Variants in TTC28 observed in about 807,000 individuals in gnomAD.
TTC28 encodes the protein tetratricopeptide repeat domain 28.
Under a neutral mutation model 198.0 loss-of-function variants are expected in TTC28, and 61 were observed. The ratio of observed to expected loss-of-function variants is 0.31; its 90% CI spans 0.25 to 0.38. The LOEUF (loss-of-function observed/expected upper bound fraction) is 0.38. Ranked by LOEUF, TTC28 falls within the 10% of genes least tolerant of loss-of-function variation. TTC28 has a pLI of 1.00. For missense variants in TTC28, 2,678 were observed against 3,164.0 expected (o/e 0.85, Z 3.69); for synonymous variants, 1,171 against 1,297.8 (o/e 0.90, Z 2.10).
chr22:28,593,652 T>C (rs2050480787), intron 2 of TTC28, among the ~76,000 whole-genome samples: 1 of 150,630 alleles, frequency 6.6e-6, no homozygotes, highest in South Asian at 2.1e-4. Flanking sequence ...ACTGAATGGC[T>C]AGAAGAATAG....
At chr22:28,133,639 G>A (rs1943116416) in intron 6 of TTC28, among the ~76,000 whole-genome samples, 1 of 152,186 alleles carries the variant, frequency 6.6e-6, no homozygotes. Flanking sequence ...AGATCAAACT[G>A]CAAGGCAGCA....
At chr22:28,194,151 T>C (rs1925161675) in intron 5 of TTC28, among the ~76,000 whole-genome samples, 2 of 152,124 alleles carry the variant, frequency 1.3e-5, no homozygotes. Flanking sequence ...CTCAACTATA[T>C]GGAAACTGAA....
intron 5 of TTC28, among the ~76,000 whole-genome samples, chr22:28,259,793 G>A (rs1281529564): frequency 6.6e-6 from 1 of 152,056 alleles, no homozygotes; most frequent in Non-Finnish European, 1.5e-5. Context: ...TAAAAGTGTT[G>A]TGCTGCATTT....
At chr22:28,602,344 G>T (rs146329801) in intron 2 of TTC28, among the ~76,000 whole-genome samples, 14 of 152,256 alleles carry the variant, frequency 9.2e-5, no homozygotes, top group Admixed American at 4.6e-4. Context: ...AAGGGAAAGG[G>T]TGTCTATAAA....
chr22:28,507,364 A>G (rs2048627278), intron 2 of TTC28, among the ~76,000 whole-genome samples: 1 of 152,234 alleles, frequency 6.6e-6, no homozygotes, highest in African/African-American at 2.4e-5. Flanking sequence ...GAACAGAGAA[A>G]AAAGAATAAA....
At chr22:28,302,234 A>T (rs1447979408) in intron 3 of TTC28, among the ~76,000 whole-genome samples, 1 of 152,072 alleles carries the variant, frequency 6.6e-6, no homozygotes, top group Non-Finnish European at 1.5e-5. Flanking sequence ...TAGGAACTGC[A>T]GATAGTTTTA....
At chr22:28,255,600 G>T (rs1341838937) in intron 5 of TTC28, among the ~76,000 whole-genome samples, 1 of 151,438 alleles carries the variant, frequency 6.6e-6, no homozygotes, top group Non-Finnish European at 1.5e-5. Context: ...AGAATCACTT[G>T]AACCCGGGAG....
chr22:28,261,011 A>G (rs1296691372), intron 5 of TTC28, among the ~76,000 whole-genome samples: 3 of 152,158 alleles, frequency 2.0e-5, no homozygotes, highest in African/African-American at 4.8e-5. Context: ...CCTCTAGGAA[A>G]TCCTCCTACT....
At chr22:28,329,677 T>C (rs1224956510) in intron 2 of TTC28, among the ~76,000 whole-genome samples, 1 of 152,158 alleles carries the variant, frequency 6.6e-6, no homozygotes, top group East Asian at 1.9e-4. Context: ...TTTCTTTCTC[T>C]GTTTTTGTTT....
At chr22:28,366,800 C>A (rs2046255218) in intron 2 of TTC28, among the ~76,000 whole-genome samples, 1 of 151,860 alleles carries the variant, frequency 6.6e-6, no homozygotes, top group Non-Finnish European at 1.5e-5. Context: ...TTATATCAGA[C>A]AAAATAGATT....
chr22:28,337,358 G>A (rs868456014), intron 2 of TTC28, among the ~76,000 whole-genome samples: 4 of 152,104 alleles, frequency 2.6e-5, no homozygotes, highest in South Asian at 2.1e-4. Flanking sequence ...TATTAGGTCC[G>A]CTTGGTGTAG....
At chr22:28,535,206 C>CATAT (rs1476665570) in intron 2 of TTC28, among the ~76,000 whole-genome samples, 1 of 152,032 alleles carries the variant, frequency 6.6e-6, no homozygotes, top group Non-Finnish European at 1.5e-5. Flanking sequence ...TTTAGGCAAC[C>CATAT]ATATAGCTTT....
intron 5 of TTC28, among the ~76,000 whole-genome samples, chr22:28,252,069 TACATGGTA>T (rs1930554046): frequency 1.3e-5 from 2 of 152,330 alleles, no homozygotes; most frequent in South Asian, 4.1e-4. Flanking sequence ...AGGAGATGGC[TACATGGTA>T]ACATGCTATA....
At chr22:28,557,263 A>G (rs943151109) in intron 2 of TTC28, among the ~76,000 whole-genome samples, 3 of 152,118 alleles carry the variant, frequency 2.0e-5, no homozygotes, top group Admixed American at 1.3e-4. Flanking sequence ...TCTCTCCTGC[A>G]TTTTCTTGTC....
intron 2 of TTC28, among the ~76,000 whole-genome samples, chr22:28,483,404 T>C (rs904678884): frequency 4.6e-5 from 7 of 152,094 alleles, no homozygotes; most frequent in Admixed American, 1.3e-4. Flanking sequence ...AGTATGAAAT[T>C]AGATAATTAA....
Position 28,105,673 on chromosome 22 carries a change from C to A in TTC28, c.2913G>T (p.Gly971=), listed in dbSNP as rs1159761532. The change falls in exon 8 of 23, where the codon GGG becomes GGT. Residue 971 remains glycine (G), a synonymous_variant. Coordinates refer to ENST00000397906, the MANE Select transcript of TTC28 (RefSeq NM_001145418.2). ...GELGSLHSQL[G]NYEQAISCLE... ...GGCAGGAAATGGCTTGTTCGTAATT[C>A]CCTAATTGGCTGTGCAGACTTCCCA... 1 of 1,551,858 alleles carries A rather than the reference C, an allele frequency of 6.4e-7. No homozygotes were observed. Among genetic ancestry groups the A allele is most frequent in the Non-Finnish European group, 8.7e-7 (1 of 1,147,028 alleles).
At chr22:28,075,169 A>G (rs1166464676) in intron 12 of TTC28, among the ~76,000 whole-genome samples, 1 of 152,200 alleles carries the variant, frequency 6.6e-6, no homozygotes, top group African/African-American at 2.4e-5. Flanking sequence ...AGACTATTTC[A>G]GAGGTCATTC....
intron 12 of TTC28, among the ~76,000 whole-genome samples, chr22:28,036,685 A>T (rs1228126456): frequency 6.6e-6 from 1 of 152,206 alleles, no homozygotes; most frequent in Non-Finnish European, 1.5e-5. Flanking sequence ...GAACTGAAGG[A>T]GATAGAGACA....
intron 2 of TTC28, among the ~76,000 whole-genome samples, chr22:28,386,003 G>A (rs1003412844): frequency 2.0e-5 from 3 of 151,904 alleles, no homozygotes; most frequent in Admixed American, 6.6e-5. Context: ...CAGGCCGGGC[G>A]CGGTGGCTCA....
Sources: allele counts gnomAD v4.1 joint callset (sites outside exome capture counted in the v4.1 genomes callset), GRCh38; gene constraint gnomAD v4.1.1; transcripts MANE v1.5; gene names NCBI Gene and HGNC (gene_info 2026-07-23, HGNC 2026-07-21).